Variants in FZD3 observed in about 807,000 individuals in gnomAD.
FZD3 encodes the protein frizzled class receptor 3.
A neutral mutation model predicts 60.7 loss-of-function variants in FZD3; 30 were observed. The observed-to-expected ratio is 0.49, with a 90% CI of 0.37 to 0.67. FZD3 has a LOEUF of 0.67. FZD3 is among the 30% of genes least tolerant of loss of function. The probability of loss-of-function intolerance (pLI) is 0.00; values close to 1 mark genes in which losing one functional copy is unlikely to be tolerated. For missense variants in FZD3, 605 were observed against 838.7 expected, an observed-to-expected ratio of 0.72 and a Z score of 3.44; for synonymous variants, 246 against 275.2, an observed-to-expected ratio of 0.89 and a Z score of 1.05.
At chr8:28,544,242 C>T (rs1805242642) in intron 5 of FZD3, among the ~76,000 whole-genome samples, 1 of 152,070 alleles carries the variant, frequency 6.6e-6, no homozygotes, top group South Asian at 2.1e-4. Flanking sequence ...ATGTGTTCCT[C>T]CTTAATATGA....
At chr8:28,532,905 ATCC>A (rs965186901) in intron 5 of FZD3, among the ~76,000 whole-genome samples, 10 of 152,204 alleles carry the variant, frequency 6.6e-5, no homozygotes, top group South Asian at 2.1e-4. Context: ...GGATTTGCAC[ATCC>A]TCCTGTAAAA....
chr8:28,515,250 T>C (rs1257690409), intron 3 of FZD3, among the ~76,000 whole-genome samples: 1 of 152,198 alleles, frequency 6.6e-6, no homozygotes, highest in Non-Finnish European at 1.5e-5. Context: ...AGTGAATCCA[T>C]ACGGGTCTGC....
chr8:28,545,796 A>T (rs1805279868), intron 5 of FZD3, among the ~76,000 whole-genome samples: 1 of 152,230 alleles, frequency 6.6e-6, no homozygotes. Context: ...TTGGTATATT[A>T]AAAAACATAC....
chr8:28,511,618 TCTCTGCCTGGAAGG>T (rs1332733132), intron 3 of FZD3, among the ~76,000 whole-genome samples: 1 of 152,238 alleles, frequency 6.6e-6, no homozygotes, highest in Non-Finnish European at 1.5e-5. Context: ...GTAAATGCCA[TCTCTGCCTGGAAGG>T]CTCTTGTAGT....
At position 28,555,886 on chromosome 8, in the gene FZD3, GT is replaced by G. The variant is rs781553992; in HGVS notation, c.1703del (p.Val568GlyfsTer15). On this transcript the variant is annotated frameshift_variant, in exon 7 of 8. Coordinates refer to ENST00000240093, the MANE Select transcript of FZD3 (RefSeq NM_017412.4). LOFTEE classifies it high-confidence loss of function. The stretch of plus-strand genomic sequence containing the variant: ...TGCTTCTTCAACTCAGCTGGCTATG[GT>G]GGATGATCAAAGAAGCAAAGCAGGA... The part of the protein sequence containing the change: ...THASSTQLAM[V>X]DDQRSKAGSI... 10 of 1,613,948 alleles carry G rather than the reference GT, an allele frequency of 6.2e-6. No individual in the cohort carries two copies. The highest frequency in any genetic ancestry group is 8.5e-6 in the Non-Finnish European group (10 of 1,179,952).
intron 4 of FZD3, among the ~76,000 whole-genome samples, chr8:28,523,231 G>A (rs997432642): frequency 6.6e-6 from 1 of 152,138 alleles, no homozygotes; most frequent in Non-Finnish European, 1.5e-5. Context: ...TTTGGGCGCT[G>A]GAGAGTCTAA....
At chr8:28,499,286 C>A (rs1199879633) in intron 1 of FZD3, among the ~76,000 whole-genome samples, 1 of 151,946 alleles carries the variant, frequency 6.6e-6, no homozygotes, top group Non-Finnish European at 1.5e-5. Flanking sequence ...TTGTAAACTG[C>A]CTTTAAATTT....
At position 28,562,849 on chromosome 8, in the gene FZD3, C is replaced by G; in HGVS notation, c.1839C>G (p.Ser613Arg). The change falls in exon 8 of 8, where the codon AGC (serine) becomes AGG (arginine). Residue 613 changes from serine to arginine, a missense_variant. Ser to Arg is a moderately radical substitution (Grantham distance 110). Transcript: ENST00000240093. Reference sequence around the variant, plus strand: ...TGGAGGAGAGACTACCTCATGGCAGCATGTCACGACTAACAGATCACTCCA... The same window carrying G: ...TGGAGGAGAGACTACCTCATGGCAGGATGTCACGACTAACAGATCACTCCA... ...RGMEERLPHG[S>R]MSRLTDHSRH... 1 of 1,613,580 alleles carries G rather than the reference C, an allele frequency of 6.2e-7. No homozygotes were observed. The highest frequency in any genetic ancestry group is 1.1e-5 in the South Asian group (1 of 91,030).
At position 28,519,749 on chromosome 8, in the gene FZD3, C is replaced by A. The variant is rs370972430; in HGVS notation, c.190-889C>A. On this transcript the variant is annotated intron_variant, in intron 3 of 7. Transcript: ENST00000240093. ...TGTCTTTAAAAAAAAAAAAAAAAAA[C>A]CAAGAAAATTTCAGCCCAAAGTGAG... is the stretch of plus-strand genomic sequence containing the variant. Among the ~76,000 whole-genome samples the A allele has an allele frequency of 3.5e-4, 47 of 132,562 alleles. 1 individual carries two copies. Among genetic ancestry groups the A allele is most frequent in the African/African-American group, 1.1e-3 (41 of 35,778 alleles). 87.0% of individuals were successfully genotyped at this position (132,562 alleles called of 152,430 possible). A position where few individuals can be genotyped will look rare whatever the true frequency, so the allele number is the denominator to read the frequency against.
chr8:28,495,903 C>G (rs1205972603), intron 1 of FZD3, among the ~76,000 whole-genome samples: 1 of 151,588 alleles, frequency 6.6e-6, no homozygotes, highest in African/African-American at 2.4e-5. Context: ...ACTGGTAAAG[C>G]CTATCATTCT....
chr8:28,500,644 A>G (rs1389041118), intron 2 of FZD3, among the ~76,000 whole-genome samples: 5 of 152,228 alleles, frequency 3.3e-5, no homozygotes, highest in South Asian at 2.1e-4. Context: ...TGGATGTTTT[A>G]ATACTACAAT....
rs368621222 is a variant in FZD3 at position 28,571,271 on chromosome 8, A to G, written c.*8260A>G. 14 of 152,304 alleles carry G rather than the reference A, an allele frequency of 9.2e-5. 1 individual carries two copies. Among genetic ancestry groups the G allele is most frequent in the African/African-American group, 3.1e-4 (13 of 41,568 alleles). 9.4% of individuals were successfully genotyped at this position (152,304 alleles called of 1,614,324 possible). On this transcript the variant is annotated 3_prime_UTR_variant, in exon 8 of 8. Coordinates refer to ENST00000240093, the MANE Select transcript of FZD3 (RefSeq NM_017412.4). ...TCCATTTTTAAAAGGAAATTAACAA[A>G]TGTCTTCCTTTATCCCTGCCTCAGA... is the stretch of plus-strand genomic sequence containing the variant.
At chr8:28,556,028 TAAGA>T in intron 7 of FZD3, 57 bp downstream of exon 7, 1 of 1,144,360 alleles carries the variant, frequency 8.7e-7, no homozygotes, top group Admixed American at 2.0e-5. Context: ...CCATACAGCT[TAAGA>T]AAGAGGAGCA....
intron 5 of FZD3, among the ~76,000 whole-genome samples, chr8:28,546,016 A>G (rs73559459): frequency 0.022 from 3,311 of 152,340 alleles, 109 homozygotes; most frequent in African/African-American, 0.075. Context: ...TATTCAGTAC[A>G]GTAACCTGCT....
chr8:28,562,306 A>AT (rs796639020), intron 7 of FZD3, among the ~76,000 whole-genome samples: 2,632 of 146,560 alleles, frequency 0.018, 34 homozygotes, highest in African/African-American at 0.034. Flanking sequence ...CAGTTTATTC[A>AT]TTTTTTTTTT....
chr8:28,562,641 G>A (rs992135318), intron 7 of FZD3, among the ~76,000 whole-genome samples, 157 bp from the exon 8 acceptor site: 1 of 152,196 alleles, frequency 6.6e-6, no homozygotes, highest in African/African-American at 2.4e-5. Flanking sequence ...TAATTCTACA[G>A]TGTTAACGAA....
Position 28,570,195 on chromosome 8 carries a change from T to C in FZD3, c.*7184T>C, listed in dbSNP as rs1193334765. 6.6e-6 allele frequency: 1 copy of C among 152,190 alleles called. No homozygotes were observed. Among genetic ancestry groups the C allele is most frequent in the Non-Finnish European group, 1.5e-5 (1 of 68,040 alleles). 9.4% of individuals were successfully genotyped at this position (152,190 alleles called of 1,614,324 possible). On this transcript the variant is annotated 3_prime_UTR_variant, in exon 8 of 8. Transcript: ENST00000240093. ...AAAATTCCTTAATTGTCATCTGATA[T>C]AATGTAGAGATTGAGGCCAGACGCA...
At chr8:28,535,168 G>A (rs1202391095) in intron 5 of FZD3, among the ~76,000 whole-genome samples, 1 of 152,130 alleles carries the variant, frequency 6.6e-6, no homozygotes, top group African/African-American at 2.4e-5. Context: ...AGAAAAATTG[G>A]CTGGGTGTAA....
intron 3 of FZD3, among the ~76,000 whole-genome samples, chr8:28,517,570 G>A (rs746076498): frequency 9.2e-5 from 14 of 152,188 alleles, no homozygotes; most frequent in Middle Eastern, 3.4e-3. Context: ...ACATGTGTTA[G>A]ATCTTTTTTG....
Sources: gnomAD v4.1 joint callset for allele counts (sites outside exome capture counted in the v4.1 genomes callset) on GRCh38, gnomAD v4.1.1 for gene constraint, MANE v1.5 for transcripts, NCBI Gene and HGNC (gene_info 2026-07-23, HGNC 2026-07-21) for gene names.